Variants in PLEKHM3 observed in about 807,000 individuals in gnomAD.
PLEKHM3 encodes the protein pleckstrin homology domain-containing family M member 3.
PLEKHM3 carries 45 observed loss-of-function variants against 81.8 expected under a neutral mutation model. That is an observed-to-expected ratio of 0.55 (90% confidence interval 0.43 to 0.71). The LOEUF is 0.71. PLEKHM3 is among the 30% of genes least tolerant of loss of function. PLEKHM3 has a pLI of 0.00. For synonymous variants in PLEKHM3, 352 were observed against 356.4 expected (o/e 0.99, Z 0.14); for missense variants, 788 against 924.3 (o/e 0.85, Z 1.91).
At chr2:207,886,478 C>T (rs1320162099) in intron 6 of PLEKHM3, among the ~76,000 whole-genome samples, 1 of 152,128 alleles carries the variant, frequency 6.6e-6, no homozygotes, top group Non-Finnish European at 1.5e-5. Context: ...TTATTTAATG[C>T]TTTATTTAAA....
At chr2:207,943,712 C>G (rs1339702662) in intron 4 of PLEKHM3, among the ~76,000 whole-genome samples, 1 of 151,268 alleles carries the variant, frequency 6.6e-6, no homozygotes, top group East Asian at 1.9e-4. Context: ...ACTAAAAATA[C>G]AAAAAATTAG....
At chr2:208,006,685 T>C (rs1292067444) in intron 1 of PLEKHM3, among the ~76,000 whole-genome samples, 3 of 152,222 alleles carry the variant, frequency 2.0e-5, no homozygotes, top group African/African-American at 7.2e-5. Context: ...CCTGGAAAGA[T>C]CTGTCAGTCC....
chr2:207,922,707 G>A (rs1417381310), intron 5 of PLEKHM3, among the ~76,000 whole-genome samples: 1 of 152,110 alleles, frequency 6.6e-6, no homozygotes, highest in Non-Finnish European at 1.5e-5. Flanking sequence ...AGTTACTCGG[G>A]AGGCTGAGGC....
At chr2:207,952,500 A>G (rs1690361623) in intron 3 of PLEKHM3, among the ~76,000 whole-genome samples, 1 of 152,206 alleles carries the variant, frequency 6.6e-6, no homozygotes, top group Admixed American at 6.5e-5. Flanking sequence ...TAGCTTTCCT[A>G]GCTTATAGTC....
intron 6 of PLEKHM3, among the ~76,000 whole-genome samples, chr2:207,876,319 G>C (rs1461743247): frequency 6.6e-6 from 1 of 152,028 alleles, no homozygotes; most frequent in East Asian, 1.9e-4. Context: ...ACAAAGCATG[G>C]CTTTAGAAGT....
At chr2:207,878,915 C>T (rs2092572643) in intron 6 of PLEKHM3, among the ~76,000 whole-genome samples, 1 of 152,104 alleles carries the variant, frequency 6.6e-6, no homozygotes, top group Admixed American at 6.5e-5. Context: ...AACTCCTCAG[C>T]ATGCCCTATA....
At chr2:207,865,781 CAAAAAAAAAAAA>C (rs71412445) in intron 6 of PLEKHM3, among the ~76,000 whole-genome samples, 1 of 3,792 alleles carries the variant, frequency 2.6e-4, no homozygotes, top group African/African-American at 7.2e-4. Context: ...AACTCCGACT[CAAAAAAAAAAAA>C]AAAAAAAAAG....
intron 1 of PLEKHM3, among the ~76,000 whole-genome samples, chr2:208,011,651 G>A (rs921098518): frequency 2.6e-5 from 4 of 151,822 alleles, no homozygotes; most frequent in Non-Finnish European, 1.5e-5. Context: ...ACTACAAATC[G>A]GGTTCAGTGT....
At chr2:207,956,556 A>T (rs7567351) in intron 3 of PLEKHM3, among the ~76,000 whole-genome samples, 95,375 of 150,534 alleles carry the variant, frequency 0.63, 30,933 homozygotes, top group Middle Eastern at 0.79. Context: ...TTTTTTTTTT[A>T]AATTTTGGAG....
chr2:208,002,796 C>G (rs140646309), intron 1 of PLEKHM3, among the ~76,000 whole-genome samples: 1 of 151,910 alleles, frequency 6.6e-6, no homozygotes, highest in African/African-American at 2.4e-5. Flanking sequence ...CTGTCCAGTA[C>G]AGTAGATAGT....
intron 7 of PLEKHM3, among the ~76,000 whole-genome samples, chr2:207,846,960 A>C (rs967364722): frequency 2.0e-5 from 3 of 152,322 alleles, no homozygotes; most frequent in East Asian, 3.9e-4. Flanking sequence ...AATATCAATT[A>C]GTTTTATAGT....
Position 208,001,800 on chromosome 2 carries a change from A to G in PLEKHM3, c.-161T>C. ...GAGCAGGCCAAACCCAAAGTGGTTGATGTTTTCCTGGTAATTAAAAGCATT... is the reference window on the plus strand; with the variant it reads ...GAGCAGGCCAAACCCAAAGTGGTTGGTGTTTTCCTGGTAATTAAAAGCATT... On this transcript the variant is annotated 5_prime_UTR_variant, in exon 2 of 8. Coordinates refer to ENST00000427836, the MANE Select transcript of PLEKHM3 (RefSeq NM_001080475.3). The G allele has an allele frequency of 8.3e-7, 1 of 1,198,272 alleles. No individual in the cohort carries two copies. The highest frequency in any genetic ancestry group is 1.6e-5 in the South Asian group (1 of 63,722). 74.2% of individuals were successfully genotyped at this position (1,198,272 alleles called of 1,614,324 possible).
intron 1 of PLEKHM3, among the ~76,000 whole-genome samples, chr2:208,002,982 T>C (rs767520201): frequency 1.3e-4 from 20 of 151,996 alleles, no homozygotes; most frequent in Middle Eastern, 3.4e-3. Context: ...TAGGCAAAAC[T>C]AGGCAACTAG....
chr2:207,868,297 A>G (rs2092513430), intron 6 of PLEKHM3, among the ~76,000 whole-genome samples: 1 of 151,776 alleles, frequency 6.6e-6, no homozygotes, highest in Admixed American at 6.6e-5. Flanking sequence ...AAATCTAAAC[A>G]TGGTAGAGTT....
intron 3 of PLEKHM3, among the ~76,000 whole-genome samples, chr2:207,971,851 C>T (rs1487755614): frequency 6.6e-6 from 1 of 152,204 alleles, no homozygotes; most frequent in Non-Finnish European, 1.5e-5. Context: ...CCATCATGTG[C>T]TTCTCTGCTC....
At chr2:207,935,484 G>A (rs1265727661) in intron 4 of PLEKHM3, among the ~76,000 whole-genome samples, 1 of 152,196 alleles carries the variant, frequency 6.6e-6, no homozygotes, top group Non-Finnish European at 1.5e-5. Flanking sequence ...TTCTGGAGGG[G>A]CTCTTTTCCA....
At chr2:207,918,478 C>T (rs1370490557) in intron 5 of PLEKHM3, among the ~76,000 whole-genome samples, 4 of 152,070 alleles carry the variant, frequency 2.6e-5, no homozygotes, top group South Asian at 2.1e-4. Context: ...GCCGAGATTG[C>T]GCCACTGTGC....
intron 1 of PLEKHM3, among the ~76,000 whole-genome samples, chr2:208,007,118 T>C (rs1020477422): frequency 2.0e-5 from 3 of 152,182 alleles, no homozygotes; most frequent in African/African-American, 7.2e-5. Context: ...TTATGAGTGC[T>C]GAAGGTGTCT....
intron 7 of PLEKHM3, among the ~76,000 whole-genome samples, chr2:207,836,258 A>C (rs770285880): frequency 6.8e-6 from 1 of 146,924 alleles, no homozygotes; most frequent in African/African-American, 2.5e-5. Flanking sequence ...CAGGAGGCAG[A>C]GGTTGCAGTG....
Sources: gnomAD v4.1 joint callset for allele counts (sites outside exome capture counted in the v4.1 genomes callset) on GRCh38, gnomAD v4.1.1 for gene constraint, MANE v1.5 for transcripts, NCBI Gene and HGNC (gene_info 2026-07-23, HGNC 2026-07-21) for gene names.